The following ART3 variants were observed in gnomAD, a reference collection of about 807,000 sequenced individuals.
ART3 encodes the protein ADP-ribosyltransferase 3 (inactive).
A neutral mutation model predicts 48.5 loss-of-function variants in ART3; 49 were observed. The ratio of observed to expected loss-of-function variants is 1.01; its 90% CI spans 0.80 to 1.28. The LOEUF is 1.28. ART3 is among the 50% of genes most tolerant of loss of function. The pLI is 0.00. For missense variants in ART3, 438 were observed against 454.3 expected (o/e 0.96, Z 0.33); for synonymous variants, 145 against 157.2 (o/e 0.92, Z 0.58).
Position 76,107,748 on chromosome 4 carries a change from CT to C in ART3, c.1004-10del. On this transcript the variant is annotated splice_polypyrimidine_tract_variant and intron_variant, in intron 10 of 11. Coordinates refer to ENST00000355810, the MANE Select transcript of ART3 (RefSeq NM_001130016.3). ...ATACAATATAACTAACTCAAAATCT[CT>C]TTATATTTTAGAAGATAAAAGTCAA... 1 of 1,403,140 alleles carries C rather than the reference CT, an allele frequency of 7.1e-7. No homozygotes were observed. Among genetic ancestry groups the C allele is most frequent in the Non-Finnish European group, 9.8e-7 (1 of 1,024,570 alleles). 86.9% of individuals were successfully genotyped at this position (1,403,140 alleles called of 1,614,324 possible). A position where few individuals can be genotyped will look rare whatever the true frequency, so the allele number is the denominator to read the frequency against.
intron 1 of ART3, chr4:76,011,998 G>C (rs1731845275): frequency 6.6e-6 from 1 of 152,208 alleles, no homozygotes; most frequent in Non-Finnish European, 1.5e-5. Flanking sequence ...AGCCAAAGAT[G>C]ATCTAGAGTT....
chr4:76,103,866 T>G, intron 8 of ART3, 71 bp from the exon 9 acceptor site: 1 of 1,318,014 alleles, frequency 7.6e-7, no homozygotes, highest in Non-Finnish European at 1.0e-6. Flanking sequence ...GGAGGAAATA[T>G]AGACAAAAGA....
At chr4:76,042,939 G>C (rs1208304056) in intron 1 of ART3, among the ~76,000 whole-genome samples, 4 of 151,468 alleles carry the variant, frequency 2.6e-5, no homozygotes, top group Admixed American at 1.3e-4. Context: ...TTGACAGGGC[G>C]TGATTGGTGC....
chr4:76,034,470 A>C, intron 1 of ART3: 2 of 515,346 alleles, frequency 3.9e-6, no homozygotes, highest in South Asian at 6.7e-5. Context: ...TAATGCAACA[A>C]GTAAGAACGT....
At chr4:76,088,205 A>G (rs890684432) in intron 3 of ART3, among the ~76,000 whole-genome samples, 7 of 151,624 alleles carry the variant, frequency 4.6e-5, no homozygotes, top group Non-Finnish European at 1.0e-4. Context: ...AAGAAAATTT[A>G]TATGCAGAGA....
intron 2 of ART3, among the ~76,000 whole-genome samples, chr4:76,080,347 T>C (rs901480221): frequency 6.6e-6 from 1 of 152,100 alleles, no homozygotes; most frequent in Non-Finnish European, 1.5e-5. Context: ...CACATCACAC[T>C]GGAGAAAGAC....
At chr4:76,033,696 A>G (rs1193773493) in intron 1 of ART3, 1 of 152,198 alleles carries the variant, frequency 6.6e-6, no homozygotes, top group Non-Finnish European at 1.5e-5. Flanking sequence ...TTTAAAAAAG[A>G]AAGGTTGTGG....
upstream of ART3, among the ~76,000 whole-genome samples, chr4:76,073,796 T>C (rs1351653496): frequency 6.6e-6 from 1 of 152,224 alleles, no homozygotes; most frequent in Non-Finnish European, 1.5e-5. Context: ...AATTAAATCA[T>C]ACAGTATAAA....
In ART3 at chr4:76,097,624, G is replaced by A. The variant is rs1054427462; in HGVS notation, c.782-20G>A. ...GGGTATATTATGTCTAACTAATAAA[G>A]CTTTATCTTTGTGTTTCAGGACTAA... On this transcript the variant is annotated intron_variant, in intron 3 of 11. Coordinates refer to ENST00000355810, the MANE Select transcript of ART3 (RefSeq NM_001130016.3). 5 of 1,596,392 alleles carry A rather than the reference G, an allele frequency of 3.1e-6. No individual in the cohort carries two copies. Among genetic ancestry groups the A allele is most frequent in the African/African-American group, 1.3e-5 (1 of 74,486 alleles).
chr4:76,095,891 G>A (rs576377388), intron 3 of ART3, among the ~76,000 whole-genome samples: 60 of 152,036 alleles, frequency 3.9e-4, no homozygotes, highest in African/African-American at 1.4e-3. Flanking sequence ...TCTGGATGAG[G>A]CTTGTACTCA....
At chr4:76,044,826 A>G (rs993498111) in intron 1 of ART3, among the ~76,000 whole-genome samples, 2 of 150,906 alleles carry the variant, frequency 1.3e-5, no homozygotes, top group Admixed American at 1.3e-4. Flanking sequence ...TCTCCTTCCC[A>G]TTTTGATGGC....
In ART3 at chr4:76,095,764, A is replaced by G. The variant is rs572466327; in HGVS notation, c.782-1880A>G. 2.0e-5 allele frequency among the ~76,000 whole-genome samples: 3 copies of G among 152,342 alleles called. No homozygotes were observed. In the South Asian group the frequency reaches 6.2e-4, roughly 32 times the overall value. On this transcript the variant is annotated intron_variant, in intron 3 of 11. Transcript: ENST00000355810. ...AAACATGCTCTAACTTGTGCTACAG[A>G]CAAAAGGCTTTTAAAATCCCCCTGG...
chr4:76,067,946 A>G (rs1197306434), intron 1 of ART3, among the ~76,000 whole-genome samples: 3 of 152,172 alleles, frequency 2.0e-5, no homozygotes, highest in Non-Finnish European at 2.9e-5. Context: ...CTTGGCATCC[A>G]GTCTCTAAAA....
chr4:76,035,926 C>T (rs1734351989), intron 1 of ART3: 1 of 1,612,592 alleles, frequency 6.2e-7, no homozygotes, highest in East Asian at 2.2e-5. Flanking sequence ...TTACTGCATA[C>T]CTTGAACAAC....
intron 3 of ART3, among the ~76,000 whole-genome samples, chr4:76,087,028 C>T (rs941067122): frequency 2.0e-5 from 3 of 152,176 alleles, no homozygotes; most frequent in Admixed American, 1.3e-4. Context: ...GAAATGGTAC[C>T]GCTTTTGGTG....
chr4:76,038,023 T>A (rs1397804297), intron 1 of ART3, among the ~76,000 whole-genome samples: 1 of 152,184 alleles, frequency 6.6e-6, no homozygotes, highest in Non-Finnish European at 1.5e-5. Flanking sequence ...TTGAAAGTCT[T>A]TACAGTAGTC....
chr4:76,026,796 G>A (rs981043176), intron 1 of ART3, among the ~76,000 whole-genome samples: 1 of 152,360 alleles, frequency 6.6e-6, no homozygotes, highest in Non-Finnish European at 1.5e-5. Flanking sequence ...TTAGAAGAAG[G>A]AGGAGAAGTA....
At chr4:76,100,412 C>T (rs2149674091) in intron 6 of ART3, 92 bp downstream of exon 6, 7 of 1,293,920 alleles carry the variant, frequency 5.4e-6, no homozygotes, top group Non-Finnish European at 7.7e-6. Context: ...GCGGGAGGAT[C>T]ATGAGGTCAG....
At chr4:76,070,681 C>T (rs1182481897), upstream of ART3, among the ~76,000 whole-genome samples, 4 of 152,184 alleles carry the variant, frequency 2.6e-5, no homozygotes, top group African/African-American at 9.6e-5. Context: ...GCCCAGCAAT[C>T]ATAAGGCATT....
Sources: allele counts gnomAD v4.1 joint callset (sites outside exome capture counted in the v4.1 genomes callset), GRCh38; gene constraint gnomAD v4.1.1; transcripts MANE v1.5; gene names NCBI Gene and HGNC (gene_info 2026-07-23, HGNC 2026-07-21).